Variants in PTCHD4 observed in about 807,000 individuals in gnomAD.
PTCHD4 encodes patched domain-containing protein 4.
Under a neutral mutation model 58.1 loss-of-function variants are expected in PTCHD4, and 33 were observed. The observed-to-expected ratio is 0.57, with a 90% confidence interval of 0.43 to 0.76. PTCHD4 has a LOEUF of 0.76. PTCHD4 is among the 30% of genes least tolerant of loss of function. PTCHD4 has a pLI of 0.00. For synonymous variants in PTCHD4, 478 were observed against 409.6 expected (o/e 1.17, Z -2.02); for missense variants, 1,058 against 1,027.1 (o/e 1.03, Z -0.41).
At chr6:48,020,491 T>A (rs1562010886) in intron 3 of PTCHD4, among the ~76,000 whole-genome samples, 1 of 151,730 alleles carries the variant, frequency 6.6e-6, no homozygotes, top group African/African-American at 2.4e-5. Context: ...CAAAAGTAAT[T>A]GCGGTTTTTG....
chr6:48,031,982 G>T (rs894275459), intron 3 of PTCHD4, among the ~76,000 whole-genome samples: 1 of 152,012 alleles, frequency 6.6e-6, no homozygotes, highest in South Asian at 2.1e-4. Flanking sequence ...CAACATTTGA[G>T]ATGAAGGATT....
Position 48,068,953 on chromosome 6 carries a change from C to G in PTCHD4, c.5G>C (p.Arg2Pro), listed in dbSNP as rs1382070691. The change falls in exon 2 of 5, where the codon CGA becomes CCA. Residue 2 changes from arginine (R) to proline (P), a missense_variant and splice_region_variant. Coordinates refer to ENST00000339488, the MANE Select transcript of PTCHD4 (RefSeq NM_001384253.1). The surrounding 1 kb of genome is among the most constrained non-coding windows in gnomAD (Gnocchi z 4.2). ...CGCCGCCTCCCGCGCTGGCTCTCACCGCATGAGCAGCGTTCCCTCGGTCTA... is the reference window on the plus strand; with the variant it reads ...CGCCGCCTCCCGCGCTGGCTCTCACGGCATGAGCAGCGTTCCCTCGGTCTA... M[R>P]RPGAPASWIW... is the part of the protein sequence containing the mutation. Among the ~76,000 whole-genome samples, 1 of 151,574 alleles carries G rather than the reference C, an allele frequency of 6.6e-6. No individual in the cohort carries two copies. The highest frequency in any genetic ancestry group is 1.5e-5 in the Non-Finnish European group (1 of 67,878).
chr6:47,921,956 A>AAAAAG (rs577009756), intron 4 of PTCHD4, among the ~76,000 whole-genome samples: 3,480 of 146,988 alleles, frequency 0.024, 113 homozygotes, highest in African/African-American at 0.069. Flanking sequence ...AAAAAAAAAA[A>AAAAAG]AAAAGAAAAG....
intron 3 of PTCHD4, among the ~76,000 whole-genome samples, chr6:48,015,415 C>A (rs1281702791): frequency 6.6e-6 from 1 of 151,986 alleles, no homozygotes; most frequent in East Asian, 1.9e-4. Flanking sequence ...CTGCTTAGCC[C>A]ATTTCTAGAG....
chr6:47,934,487 T>C (rs1561965193), intron 4 of PTCHD4, among the ~76,000 whole-genome samples: 1 of 152,136 alleles, frequency 6.6e-6, no homozygotes. Flanking sequence ...TTCCAGCACA[T>C]CTTACCGATC....
rs766666097 is a variant in PTCHD4 at position 47,930,780 on chromosome 6, G to T, written c.899-50844C>A. 4.1e-4 allele frequency among the ~76,000 whole-genome samples: 63 copies of T among 152,010 alleles called. 1 individual carries two copies. Among genetic ancestry groups the T allele is most frequent in the Non-Finnish European group, 7.8e-4 (53 of 67,958 alleles). ...GAAGAAGTTATACATATGTACTCAT[G>T]AAGTGTATTTTATTTATTATTATTA... On this transcript the variant is annotated intron_variant, in intron 4 of 4. Coordinates refer to ENST00000339488, the MANE Select transcript of PTCHD4 (RefSeq NM_001384253.1).
Position 47,863,802 on chromosome 6 carries a change from A to G in PTCHD4, c.*14501T>C, listed in dbSNP as rs1222433490. The stretch of plus-strand genomic sequence containing the variant: ...GTTCCTAAATTTTCTTCATGAAAAG[A>G]CTGTCCAGAGCAACTTATTACAAAT... On this transcript the variant is annotated 3_prime_UTR_variant, in exon 5 of 5. Transcript: ENST00000339488. 2.6e-5 allele frequency among the ~76,000 whole-genome samples: 4 copies of G among 151,966 alleles called. No individual in the cohort carries two copies. The highest frequency in any genetic ancestry group is 2.6e-4 in the Admixed American group (4 of 15,234).
intron 1 of PTCHD4, among the ~76,000 whole-genome samples, chr6:48,091,986 T>TACACATACACACACACACATACACACAC (rs576546708): frequency 3.3e-5 from 5 of 151,138 alleles, no homozygotes; most frequent in Admixed American, 2.0e-4. Flanking sequence ...AGTACACACA[T>TACACATACACACACACACATACACACAC]ACACATACAC....
chr6:48,034,775 A>C (rs1763570684), intron 3 of PTCHD4, among the ~76,000 whole-genome samples: 1 of 152,158 alleles, frequency 6.6e-6, no homozygotes, highest in African/African-American at 2.4e-5. Context: ...GCAGCCAATG[A>C]AAATTTTGCT....
intron 3 of PTCHD4, among the ~76,000 whole-genome samples, chr6:48,051,652 T>C (rs1372280806): frequency 6.6e-6 from 1 of 152,026 alleles, no homozygotes; most frequent in Non-Finnish European, 1.5e-5. Flanking sequence ...TATAGCATTA[T>C]TGGGATTTTA....
At chr6:48,098,344 T>TCTTCTTCTTCTTCTTC (rs1172430988) in intron 1 of PTCHD4, among the ~76,000 whole-genome samples, 64 of 137,728 alleles carry the variant, frequency 4.6e-4, no homozygotes, top group South Asian at 1.4e-3. Context: ...TTCTTCTTCT[T>TCTTCTTCTTCTTCTTC]TTTTTTTTTT....
At chr6:48,027,512 A>T (rs1368158218) in intron 3 of PTCHD4, among the ~76,000 whole-genome samples, 1 of 152,138 alleles carries the variant, frequency 6.6e-6, no homozygotes, top group Admixed American at 6.6e-5. Flanking sequence ...TGTCTACCTT[A>T]AAATTGTTTC....
intron 4 of PTCHD4, among the ~76,000 whole-genome samples, chr6:47,950,940 G>T (rs574782659): frequency 6.6e-6 from 1 of 152,230 alleles, no homozygotes; most frequent in East Asian, 1.9e-4. Flanking sequence ...GTCAATTGAT[G>T]GAATTTGGGA....
chr6:48,033,473 A>G (rs1056175546), intron 3 of PTCHD4, among the ~76,000 whole-genome samples: 1 of 149,792 alleles, frequency 6.7e-6, no homozygotes, highest in East Asian at 2.0e-4. Context: ...GCACCTCTCC[A>G]TCTAGTGAGA....
chr6:48,085,341 G>T (rs977419366), intron 1 of PTCHD4, among the ~76,000 whole-genome samples: 3 of 151,958 alleles, frequency 2.0e-5, no homozygotes, highest in African/African-American at 7.3e-5. Flanking sequence ...TCCACTTCAG[G>T]TCATGCTTAA....
In PTCHD4 at chr6:47,877,098, T is replaced by C. The variant is rs1449959911; in HGVS notation, c.*1205A>G. Among the ~76,000 whole-genome samples the C allele has an allele frequency of 6.6e-6, 1 of 152,008 alleles. No homozygotes were observed. Among genetic ancestry groups the C allele is most frequent in the Non-Finnish European group, 1.5e-5 (1 of 67,962 alleles). On this transcript the variant is annotated 3_prime_UTR_variant, in exon 5 of 5. Coordinates refer to ENST00000339488, the MANE Select transcript of PTCHD4 (RefSeq NM_001384253.1). ...AATGCAAGGAATACACTAGAGTTTATAGGATTAGAATAGTTTCCTTATGCT... is the reference window on the plus strand; with the variant it reads ...AATGCAAGGAATACACTAGAGTTTACAGGATTAGAATAGTTTCCTTATGCT...
intron 4 of PTCHD4, among the ~76,000 whole-genome samples, chr6:47,880,709 T>G (rs1358280665): frequency 1.3e-5 from 2 of 152,142 alleles, no homozygotes; most frequent in Non-Finnish European, 1.5e-5. Context: ...TAAACCAATG[T>G]TTGTGTCCCT....
rs1581812796 is a variant in PTCHD4 at position 47,878,510 on chromosome 6, C to T, written c.2325G>A (p.Ser775=). The T allele has an allele frequency of 5.0e-6, 8 of 1,613,270 alleles. No homozygotes were observed. The highest frequency in any genetic ancestry group is 2.7e-5 in the African/African-American group (2 of 74,964). ...ATTTGAACAGTGTGAAGGTCAGGTTCGAAGGCACAAATAGAAGGGGGACTA... is the reference window on the plus strand; with the variant it reads ...ATTTGAACAGTGTGAAGGTCAGGTTTGAAGGCACAAATAGAAGGGGGACTA... ...IGLVPLLFVP[S]NLTFTLFKCL... is the part of the protein sequence containing the mutation. The change falls in exon 5 of 5, where the codon TCG becomes TCA. Residue 775 remains serine, a synonymous_variant. Transcript: ENST00000339488.
chr6:48,031,021 AC>A (rs902085517), intron 3 of PTCHD4, among the ~76,000 whole-genome samples: 1 of 152,104 alleles, frequency 6.6e-6, no homozygotes, highest in Non-Finnish European at 1.5e-5. Flanking sequence ...CTTTTCCTGA[AC>A]AAAAGGCGAA....
Sources: gnomAD v4.1 joint callset for allele counts (sites outside exome capture counted in the v4.1 genomes callset) on GRCh38, gnomAD v4.1.1 for gene constraint, Gnocchi (gnomAD v3.1) non-coding constraint, MANE v1.5 for transcripts, NCBI Gene and HGNC (gene_info 2026-07-23, HGNC 2026-07-21) for gene names.